ZNF727: variants seen among roughly 807,000 people sequenced by gnomAD.
ZNF727 encodes the protein zinc finger protein 727.
In ZNF727, 11 loss-of-function variants were observed where a neutral mutation model predicts 11.5. The observed-to-expected ratio is 0.95, with a 90% CI of 0.60 to 1.58. ZNF727 has a LOEUF of 1.58. Among genes scored for constraint, ZNF727 ranks in the 40% most tolerant of loss-of-function variants. The pLI is 0.00. For synonymous variants in ZNF727, 171 were observed against 196.1 expected, an observed-to-expected ratio of 0.87 and a Z score of 1.07; for missense variants, 533 against 581.7, an observed-to-expected ratio of 0.92 and a Z score of 0.86.
chr7:64,068,764 A>T, intron 1 of ZNF727, 127 bp from the exon 2 acceptor site: 2 of 1,123,068 alleles, frequency 1.8e-6, no homozygotes, highest in Admixed American at 2.7e-5. Flanking sequence ...CTGTGCTAGA[A>T]AGTATCCTAT....
chr7:64,083,591 A>G lies in ZNF727; in HGVS notation c.*5042A>G, dbSNP rs4717981. On this transcript the variant is annotated 3_prime_UTR_variant, in exon 4 of 4. Coordinates refer to ENST00000456806, the MANE Select transcript of ZNF727 (RefSeq NM_001159522.3). ...AGTGGCTGCTCTGCTGAGACTCCACATAGCTCTGTGTGTTAAATTGAAGGC... is the reference window on the plus strand; with the variant it reads ...AGTGGCTGCTCTGCTGAGACTCCACGTAGCTCTGTGTGTTAAATTGAAGGC... Among the ~76,000 whole-genome samples the G allele has an allele frequency of 0.65, 98,716 of 152,074 alleles. 32,444 individuals are homozygous for G. Among genetic ancestry groups the G allele is most frequent in the Admixed American group, 0.73 (11,085 of 15,282 alleles).
chr7:64,048,386 A>T (rs1789541671), intron 1 of ZNF727, among the ~76,000 whole-genome samples: 1 of 152,184 alleles, frequency 6.6e-6, no homozygotes, highest in African/African-American at 2.4e-5. Context: ...CTACCTGGGA[A>T]AAGACAGAGG....
rs560788377 is a variant in ZNF727, at chr7:64,078,071, T to C, written c.1022T>C (p.Ile341Thr). The C allele has an allele frequency of 2.2e-5, 35 of 1,608,842 alleles. No homozygotes were observed. In the African/African-American group the frequency reaches 3.1e-4, roughly 14 times the overall value. ...NRIHTGEKPY[I>T]CEECGKAFTY... ...ATTCATACTGGAGAGAAACCCTACA[T>C]TTGTGAAGAATGTGGCAAAGCCTTT... The change falls in exon 4 of 4, where the codon ATT (isoleucine) becomes ACT (threonine). Residue 341 changes from isoleucine (I) to threonine (T), a missense_variant. Coordinates refer to ENST00000456806, the MANE Select transcript of ZNF727 (RefSeq NM_001159522.3).
At chr7:64,063,986 G>A (rs1269720663) in intron 1 of ZNF727, among the ~76,000 whole-genome samples, 1 of 152,046 alleles carries the variant, frequency 6.6e-6, no homozygotes, top group African/African-American at 2.4e-5. Context: ...GTCAGCTTGT[G>A]GTGAACTCTG....
intron 3 of ZNF727, 48 bp from the exon 4 acceptor site, chr7:64,077,228 C>G: frequency 4.1e-6 from 6 of 1,455,974 alleles, no homozygotes; most frequent in Non-Finnish European, 5.4e-6. Flanking sequence ...AGTGTATTCA[C>G]CTAAGTCTGA....
intron 3 of ZNF727, among the ~76,000 whole-genome samples, chr7:64,073,400 C>T (rs1427537696): frequency 1.3e-5 from 2 of 151,280 alleles, no homozygotes; most frequent in East Asian, 3.9e-4. Flanking sequence ...TGTGACTCTA[C>T]AAAATTTTTC....
chr7:64,055,263 C>T (rs1043504905), intron 1 of ZNF727, among the ~76,000 whole-genome samples: 1 of 151,828 alleles, frequency 6.6e-6, no homozygotes, highest in Non-Finnish European at 1.5e-5. Context: ...CTAAAAAATA[C>T]AAAGATTAGC....
chr7:64,060,832 T>C (rs1372557866), intron 1 of ZNF727, among the ~76,000 whole-genome samples: 1 of 151,652 alleles, frequency 6.6e-6, no homozygotes, highest in Admixed American at 6.6e-5. Flanking sequence ...CACTTATTGC[T>C]ATAAACCTTC....
intron 3 of ZNF727, among the ~76,000 whole-genome samples, chr7:64,073,768 TA>T (rs1343977285): frequency 1.3e-5 from 2 of 152,194 alleles, no homozygotes; most frequent in Non-Finnish European, 2.9e-5. Context: ...ATTTCTAAGA[TA>T]AAGAGACTTT....
intron 1 of ZNF727, among the ~76,000 whole-genome samples, chr7:64,046,947 C>T (rs1451115581): frequency 1.3e-5 from 2 of 151,720 alleles, no homozygotes; most frequent in Non-Finnish European, 2.9e-5. Flanking sequence ...GCTTTATTGG[C>T]AGCTTGTGGT....
intron 1 of ZNF727, among the ~76,000 whole-genome samples, chr7:64,052,467 C>T (rs1789616045): frequency 6.6e-6 from 1 of 151,596 alleles, no homozygotes; most frequent in Non-Finnish European, 1.5e-5. Flanking sequence ...TGAGGCCTCC[C>T]CAGCCAGATT....
intron 3 of ZNF727, 118 bp from the exon 4 acceptor site, chr7:64,077,158 G>A: frequency 9.8e-7 from 1 of 1,022,806 alleles, no homozygotes; most frequent in African/African-American, 1.6e-5. Flanking sequence ...AGGAAGTAGA[G>A]CCTGTGGTAT....
rs573847583 is a variant in ZNF727, at chr7:64,051,107, TAC to T, written c.3+5485_3+5486del. The stretch of plus-strand genomic sequence containing the variant: ...GTTTTCTTTTTTCCAAACCACAGTA[TAC>T]AGTTTTATTTAGTCCTGGAGAGGAG... On this transcript the variant is annotated intron_variant, in intron 1 of 3. Coordinates refer to ENST00000456806, the MANE Select transcript of ZNF727 (RefSeq NM_001159522.3). Among the ~76,000 whole-genome samples the T allele has an allele frequency of 1.1e-3, 160 of 152,300 alleles. 1 individual carries two copies. The highest frequency in any genetic ancestry group is 3.8e-3 in the African/African-American group (158 of 41,568).
chr7:64,046,241 G>C lies in ZNF727; in HGVS notation c.3+617G>C, dbSNP rs547603799. Among the ~76,000 whole-genome samples, 181 of 152,196 alleles carry C rather than the reference G, an allele frequency of 1.2e-3. 1 individual carries two copies. Among genetic ancestry groups the C allele is most frequent in the African/African-American group, 4.1e-3 (171 of 41,514 alleles). On this transcript the variant is annotated intron_variant, in intron 1 of 3. Transcript: ENST00000456806. The stretch of plus-strand genomic sequence containing the variant: ...AGACGGGTTTTTGCAATGTTGCTCA[G>C]CCTGGTCTCGAACTCCGGAGCTCAG...
chr7:64,054,974 T>TTC (rs1789659676), intron 1 of ZNF727, among the ~76,000 whole-genome samples: 1 of 152,182 alleles, frequency 6.6e-6, no homozygotes, highest in Non-Finnish European at 1.5e-5. Context: ...CTTTAAAATT[T>TTC]TCTCCTAGAT....
At chr7:64,071,445 T>A (rs1177091586) in intron 3 of ZNF727, among the ~76,000 whole-genome samples, 1 of 152,072 alleles carries the variant, frequency 6.6e-6, no homozygotes, top group East Asian at 1.9e-4. Flanking sequence ...GACTTATTTT[T>A]AAATCTTGTT....
rs990869320 is a variant in ZNF727, at chr7:64,083,036, T to A, written c.*4487T>A. 6.6e-6 allele frequency among the ~76,000 whole-genome samples: 1 copy of A among 152,212 alleles called. No individual in the cohort carries two copies. The highest frequency in any genetic ancestry group is 6.5e-5 in the Admixed American group (1 of 15,276). On this transcript the variant is annotated 3_prime_UTR_variant, in exon 4 of 4. Coordinates refer to ENST00000456806, the MANE Select transcript of ZNF727 (RefSeq NM_001159522.3). The stretch of plus-strand genomic sequence containing the variant: ...AAACAGCAAAAATGGCCGCTCACTC[T>A]TCCCTTTAGGAGCTGTATCCCAAAG...
At position 64,078,448 on chromosome 7, in the gene ZNF727, C is replaced by T. The variant is rs1239311034; in HGVS notation, c.1399C>T (p.Leu467Phe). The change falls in exon 4 of 4, where the codon CTT (leucine) becomes TTT (phenylalanine). Residue 467 changes from leucine to phenylalanine, a missense_variant. Leu to Phe is a conservative substitution (Grantham distance 22, BLOSUM62 0). Coordinates refer to ENST00000456806, the MANE Select transcript of ZNF727 (RefSeq NM_001159522.3). ...CAAAACCTTTACCTGCTCCTCAAGCCTTATTAAACACAAGAGAAGTCATAC... is the reference window on the plus strand; with the variant it reads ...CAAAACCTTTACCTGCTCCTCAAGCTTTATTAAACACAAGAGAAGTCATAC... ...CGKTFTCSSS[L>F]IKHKRSHTGD... The T allele has an allele frequency of 5.7e-6, 9 of 1,578,856 alleles. No homozygotes were observed. Among genetic ancestry groups the T allele is most frequent in the Non-Finnish European group, 7.7e-6 (9 of 1,161,902 alleles).
chr7:64,075,863 A>G (rs1785640231), intron 3 of ZNF727, among the ~76,000 whole-genome samples: 1 of 152,194 alleles, frequency 6.6e-6, no homozygotes, highest in South Asian at 2.1e-4. Context: ...CTAGCCATGT[A>G]GCCTCTGAAC....
Sources: gnomAD v4.1 joint callset for allele counts (sites outside exome capture counted in the v4.1 genomes callset) on GRCh38, gnomAD v4.1.1 for gene constraint, MANE v1.5 for transcripts, NCBI Gene and HGNC (gene_info 2026-07-23, HGNC 2026-07-21) for gene names.